The following SESN1 variants were observed in gnomAD, a reference collection of about 807,000 sequenced individuals.
SESN1 encodes the protein sestrin-1.
SESN1 carries 30 observed loss-of-function variants against 59.3 expected under a neutral mutation model. That is an observed-to-expected ratio of 0.51 (90% CI 0.38 to 0.69). SESN1 has a LOEUF of 0.69. Ranked by LOEUF, SESN1 falls within the 30% of genes least tolerant of loss-of-function variation. The pLI, the probability that SESN1 is intolerant of heterozygous loss-of-function variation, is 0.00. For missense variants in SESN1, 566 were observed against 673.0 expected (o/e 0.84, Z 1.76); for synonymous variants, 197 against 219.9 (o/e 0.90, Z 0.92).
chr6:109,077,668 T>A (rs1268847439), intron 1 of SESN1, among the ~76,000 whole-genome samples: 1 of 152,182 alleles, frequency 6.6e-6, no homozygotes, highest in Non-Finnish European at 1.5e-5. Flanking sequence ...AGCACTAAGG[T>A]GGCTGCAAGT....
intron 1 of SESN1, among the ~76,000 whole-genome samples, chr6:109,030,035 T>C (rs976231180): frequency 1.3e-5 from 2 of 152,140 alleles, no homozygotes; most frequent in African/African-American, 4.8e-5. Flanking sequence ...CTGCACCCAA[T>C]ATAAGTGGCA....
chr6:109,060,882 A>G (rs1396571683), intron 1 of SESN1, among the ~76,000 whole-genome samples: 1 of 152,196 alleles, frequency 6.6e-6, no homozygotes, highest in Non-Finnish European at 1.5e-5. Context: ...TATGCCAGGC[A>G]ACTTTCAATG....
chr6:109,008,831 G>A lies in SESN1; in HGVS notation c.280-6488C>T. ...GTGCATAACGTCATAGAGCTTGCAG[G>A]ACACACTTATTCCAGGCAACATCAT... On this transcript the variant is annotated intron_variant, in intron 1 of 9. Coordinates refer to ENST00000436639, the MANE Select transcript of SESN1 (RefSeq NM_014454.3). The A allele has an allele frequency of 9.1e-6, 9 of 985,552 alleles. No individual in the cohort carries two copies. The South Asian group carries it at 4.2e-4, about 46-fold the overall frequency. 61.1% of individuals were successfully genotyped at this position (985,552 alleles called of 1,614,324 possible). A position where few individuals can be genotyped will look rare whatever the true frequency, so the allele number is the denominator to read the frequency against.
chr6:109,070,331 T>C (rs1033807848), intron 1 of SESN1, among the ~76,000 whole-genome samples: 1 of 152,168 alleles, frequency 6.6e-6, no homozygotes, highest in African/African-American at 2.4e-5. Context: ...TCTACTCAAA[T>C]GGGCTGAGCC....
chr6:109,013,876 C>T (rs777455650), intron 1 of SESN1, among the ~76,000 whole-genome samples: 3 of 152,214 alleles, frequency 2.0e-5, no homozygotes, highest in Non-Finnish European at 4.4e-5. Context: ...TCTCCTCCAG[C>T]TCATATCTTC....
At chr6:109,020,794 T>G (rs1779999551) in intron 1 of SESN1, among the ~76,000 whole-genome samples, 1 of 152,236 alleles carries the variant, frequency 6.6e-6, no homozygotes, top group Non-Finnish European at 1.5e-5. Context: ...AACAGTTTTC[T>G]TCATTTTGCT....
At chr6:109,080,511 T>C (rs982739893) in intron 1 of SESN1, among the ~76,000 whole-genome samples, 12 of 152,166 alleles carry the variant, frequency 7.9e-5, no homozygotes, top group African/African-American at 2.4e-4. Flanking sequence ...GAAGATTCAG[T>C]AGGGTTCAAA....
At chr6:108,989,337 G>A (rs1779292915) in intron 8 of SESN1, among the ~76,000 whole-genome samples, 1 of 151,916 alleles carries the variant, frequency 6.6e-6, no homozygotes, top group Non-Finnish European at 1.5e-5. Context: ...GAGTATTATC[G>A]AAATTAAGAA....
intron 3 of SESN1, 47 bp from the exon 4 acceptor site, chr6:109,000,720 C>G: frequency 1.5e-6 from 2 of 1,340,752 alleles, no homozygotes; most frequent in Non-Finnish European, 9.8e-7. Context: ...AAACCTTGAA[C>G]TACATATCCT....
At chr6:109,065,761 T>C (rs190437328) in intron 1 of SESN1, among the ~76,000 whole-genome samples, 8 of 152,048 alleles carry the variant, frequency 5.3e-5, no homozygotes, top group African/African-American at 1.4e-4. Context: ...TGACCCCTTA[T>C]TAAAATACAA....
At chr6:109,083,469 C>A (rs1373833902) in intron 1 of SESN1, among the ~76,000 whole-genome samples, 6 of 152,106 alleles carry the variant, frequency 3.9e-5, no homozygotes, top group Non-Finnish European at 8.8e-5. Context: ...ATACACAAAT[C>A]TAATGAATGA....
chr6:109,049,258 G>C (rs562288845), intron 1 of SESN1, among the ~76,000 whole-genome samples: 1 of 152,010 alleles, frequency 6.6e-6, no homozygotes, highest in Admixed American at 6.6e-5. Flanking sequence ...TTTATGATAA[G>C]TAAAATAAGC....
At chr6:109,009,571 C>A in intron 1 of SESN1, 1 of 1,101,554 alleles carries the variant, frequency 9.1e-7, no homozygotes, top group Non-Finnish European at 1.1e-6. Flanking sequence ...GGCGGGGCGG[C>A]GCCGACAAAC....
chr6:108,988,496 G>C (rs530017697), intron 9 of SESN1, 47 bp downstream of exon 9: 2 of 1,530,398 alleles, frequency 1.3e-6, no homozygotes, highest in Non-Finnish European at 1.8e-6. Context: ...AGGAGACTAC[G>C]AATCATTGCT....
intron 1 of SESN1, among the ~76,000 whole-genome samples, chr6:109,078,472 A>G (rs942945244): frequency 1.4e-4 from 22 of 152,322 alleles, no homozygotes; most frequent in African/African-American, 5.1e-4. Flanking sequence ...TATATAAAAG[A>G]CATATAGATA....
intron 1 of SESN1, among the ~76,000 whole-genome samples, chr6:109,028,448 AGTG>A (rs1472348257): frequency 4.3e-4 from 65 of 152,156 alleles, no homozygotes; most frequent in African/African-American, 1.5e-3. Context: ...TTGACCTTAA[AGTG>A]TTCTGGTACA....
chr6:109,007,785 CT>C (rs3083610), intron 1 of SESN1, among the ~76,000 whole-genome samples: 6,676 of 103,246 alleles, frequency 0.065, 117 homozygotes, highest in African/African-American at 0.12. Context: ...AGTCCAGGTA[CT>C]TTTTTTTTTT....
rs1182434120 is a variant in SESN1 at position 108,986,418 on chromosome 6, A to T, written c.*1126T>A. The T allele has an allele frequency of 6.6e-6, 1 of 152,662 alleles. No homozygotes were observed. Among genetic ancestry groups the T allele is most frequent in the African/African-American group, 2.4e-5 (1 of 41,458 alleles). The allele number at this position is 152,662 out of a possible 1,614,324, so 9.5% of individuals were successfully genotyped here. A position where few individuals can be genotyped will look rare whatever the true frequency, so the allele number is the denominator to read the frequency against. ...ACTAATAGTGAAGTCATGATTTTTTAAGAGATTGAGACAGCAAATAAAATT... is the reference window on the plus strand; with the variant it reads ...ACTAATAGTGAAGTCATGATTTTTTTAGAGATTGAGACAGCAAATAAAATT... On this transcript the variant is annotated 3_prime_UTR_variant, in exon 10 of 10. Coordinates refer to ENST00000436639, the MANE Select transcript of SESN1 (RefSeq NM_014454.3).
At chr6:109,039,103 GAGAAGGAGAAGGA>G (rs1318417023) in intron 1 of SESN1, among the ~76,000 whole-genome samples, 1 of 149,104 alleles carries the variant, frequency 6.7e-6, no homozygotes, top group African/African-American at 2.5e-5. Flanking sequence ...AAGGAGGGAG[GAGAAGGAGAAGGA>G]AGGAGGAGAA....
Sources: gnomAD v4.1 joint callset for allele counts (sites outside exome capture counted in the v4.1 genomes callset) on GRCh38, gnomAD v4.1.1 for gene constraint, MANE v1.5 for transcripts, NCBI Gene and HGNC (gene_info 2026-07-23, HGNC 2026-07-21) for gene names.